MYH11: variants seen among roughly 807,000 people sequenced by gnomAD.
The protein encoded by MYH11 is myosin-11.
In MYH11, 80 loss-of-function variants were observed where a neutral mutation model predicts 246.6. The ratio of observed to expected loss-of-function variants is 0.32; its 90% CI spans 0.27 to 0.39. The LOEUF is 0.39. Ranked by LOEUF, MYH11 falls within the 10% of genes least tolerant of loss-of-function variation. The pLI, the probability that MYH11 is intolerant of heterozygous loss-of-function variation, is 1.00. For missense variants in MYH11, 2,158 were observed against 2,546.8 expected, an observed-to-expected ratio of 0.85 and a Z score of 3.29; for synonymous variants, 1,071 against 1,015.5, an observed-to-expected ratio of 1.05 and a Z score of -1.04.
chr16:15,721,378 G>A (rs1471684327), intron 32 of MYH11, 44 bp downstream of exon 32: 3 of 1,592,198 alleles, frequency 1.9e-6, no homozygotes, highest in Admixed American at 3.3e-5. Flanking sequence ...ACAGAGGGTG[G>A]GCAGGCGAAA....
At chr16:15,846,764 G>A (rs1451872097) in intron 1 of MYH11, among the ~76,000 whole-genome samples, 3 of 152,176 alleles carry the variant, frequency 2.0e-5, no homozygotes. Flanking sequence ...GACCGGCCTG[G>A]TCAACATGGT....
At chr16:15,824,023 G>A (rs2043489599) in intron 2 of MYH11, among the ~76,000 whole-genome samples, 1 of 152,250 alleles carries the variant, frequency 6.6e-6, no homozygotes, top group Admixed American at 6.5e-5. Flanking sequence ...TTAAATAACA[G>A]CCACCGTTCA....
intron 14 of MYH11, among the ~76,000 whole-genome samples, chr16:15,754,156 G>T (rs2041651529): frequency 6.6e-6 from 1 of 152,142 alleles, no homozygotes; most frequent in Non-Finnish European, 1.5e-5. Flanking sequence ...GGCGGAGATT[G>T]CAGTGAGCTG....
chr16:15,796,110 C>T (rs1487362518), intron 4 of MYH11, among the ~76,000 whole-genome samples: 1 of 152,084 alleles, frequency 6.6e-6, no homozygotes, highest in Non-Finnish European at 1.5e-5. Flanking sequence ...TAGGAAGAGG[C>T]GGTGGAGTCA....
At chr16:15,726,808 AC>A (rs1220246147) in intron 28 of MYH11, 39 bp downstream of exon 28, 1 of 1,603,224 alleles carries the variant, frequency 6.2e-7, no homozygotes, top group Admixed American at 1.7e-5. Flanking sequence ...ACTGGGCACC[AC>A]CCAGCACTGC....
At chr16:15,790,545 C>T (rs1483401640) in intron 4 of MYH11, among the ~76,000 whole-genome samples, 1 of 152,152 alleles carries the variant, frequency 6.6e-6, no homozygotes, top group East Asian at 1.9e-4. Flanking sequence ...GGCTCGTGGG[C>T]GTCTGAAGGT....
chr16:15,710,281 G>C (rs562832302), intron 40 of MYH11, among the ~76,000 whole-genome samples: 6 of 152,272 alleles, frequency 3.9e-5, no homozygotes, highest in Non-Finnish European at 8.8e-5. Context: ...CCAGCACTTT[G>C]GGAGACCGAG....
chr16:15,721,257 A>G, intron 32 of MYH11, 165 bp downstream of exon 32: 1 of 977,266 alleles, frequency 1.0e-6, no homozygotes, highest in Admixed American at 2.0e-5. Flanking sequence ...CTCGACTGCC[A>G]TTCTCAGCCC....
At chr16:15,740,664 C>T (rs1170440965) in intron 22 of MYH11, among the ~76,000 whole-genome samples, 1 of 151,660 alleles carries the variant, frequency 6.6e-6, no homozygotes, top group Non-Finnish European at 1.5e-5. Flanking sequence ...CATGGAACCT[C>T]AACCTCCTCA....
chr16:15,720,325 T>C lies in MYH11; in HGVS notation c.4792-13A>G, dbSNP rs1395800850. The C allele has an allele frequency of 2.5e-6, 4 of 1,612,314 alleles. No individual in the cohort carries two copies. Among genetic ancestry groups the C allele is most frequent in the African/African-American group, 1.3e-5 (1 of 74,894 alleles). ...CATACTCGTGAAGCTGGGCGAGGAA[T>C]AGAGATGTGTGCTGCCCCACTTGCC... On this transcript the variant is annotated splice_polypyrimidine_tract_variant and intron_variant, in intron 33 of 40. Transcript: ENST00000300036.
In MYH11 at chr16:15,721,806, C is replaced by T. The variant is rs2040500631; in HGVS notation, c.4366-172G>A. 4.4e-6 allele frequency: 3 copies of T among 679,576 alleles called. No homozygotes were observed. The Admixed American group carries it at 7.6e-5, about 17-fold the overall frequency. The allele number at this position is 679,576 out of a possible 1,614,324, so 42.1% of individuals were successfully genotyped here. A position where few individuals can be genotyped will look rare whatever the true frequency, so the allele number is the denominator to read the frequency against. ...TAATCATCTGGCGTTCTGACTTCTA[C>T]ATCAACCTTATGCAGAGCCAGAAAT... On this transcript the variant is annotated intron_variant, in intron 31 of 40. Coordinates refer to ENST00000300036, the MANE Select transcript of MYH11 (RefSeq NM_002474.3).
At chr16:15,759,533 A>AG (rs2041817177) in intron 12 of MYH11, 43 bp downstream of exon 12, 1 of 1,613,872 alleles carries the variant, frequency 6.2e-7, no homozygotes, top group South Asian at 1.1e-5. Flanking sequence ...AGCCCATCTC[A>AG]GACAACCAAG....
At position 15,760,611 on chromosome 16, in the gene MYH11, T is replaced by C. The variant is rs1171114070; in HGVS notation, c.1177A>G (p.Thr393Ala). 10 of 1,614,146 alleles carry C rather than the reference T, an allele frequency of 6.2e-6. No homozygotes were observed. Among genetic ancestry groups the C allele is most frequent in the Non-Finnish European group, 8.5e-6 (10 of 1,180,012 alleles). Residue 393 changes from threonine (T) to alanine (A), a missense_variant, in exon 11 of 41, where the codon ACC (threonine) becomes GCC (alanine). By Grantham distance (58) the Thr-to-Ala change is moderately conservative (BLOSUM62 0). Around this residue, in one of 11 missense-constraint regions of MYH11, gnomAD observed 317 missense variants for 507.7 expected, o/e 0.62. Transcript: ENST00000300036. ...HLMGINVTDF[T>A]RSILTPRIKV... ...ATACGAGGAGTGAGGATGGATCTGG[T>C]GAAATCTGTCACATTAATTCCCATG...
Position 15,724,680 on chromosome 16 carries a change from G to C in MYH11, c.4083C>G (p.Asn1361Lys), listed in dbSNP as rs769899465. Residue 1361 changes from asparagine (N) to lysine (K), a missense_variant, in exon 30 of 41, where the codon AAC becomes AAG. Physicochemically the swap from Asn to Lys is moderately conservative, Grantham distance 94. Coordinates refer to ENST00000300036, the MANE Select transcript of MYH11 (RefSeq NM_002474.3). ...TGAGAGTGGAGATGTGGCGCTCCAG[G>C]TTCTGCTTGGCCTCCATCTCCTCGT... ...QLDEEMEAKQ[N>K]LERHISTLNI... 3 of 1,614,218 alleles carry C rather than the reference G, an allele frequency of 1.9e-6. No individual in the cohort carries two copies. Among genetic ancestry groups the C allele is most frequent in the South Asian group, 2.2e-5 (2 of 91,086 alleles).
intron 3 of MYH11, among the ~76,000 whole-genome samples, chr16:15,812,411 A>G (rs1373944341): frequency 6.6e-6 from 1 of 151,908 alleles, no homozygotes; most frequent in Non-Finnish European, 1.5e-5. Context: ...GAAGATAAAC[A>G]TCATGGGAAA....
intron 9 of MYH11, among the ~76,000 whole-genome samples, chr16:15,771,332 C>T (rs4781688): frequency 6.6e-6 from 1 of 151,872 alleles, no homozygotes; most frequent in Non-Finnish European, 1.5e-5. Flanking sequence ...GAGTTAGTCA[C>T]TTTCCCTTTG....
intron 2 of MYH11, among the ~76,000 whole-genome samples, chr16:15,825,224 C>T (rs1259256159): frequency 6.6e-6 from 1 of 151,868 alleles, no homozygotes; most frequent in Non-Finnish European, 1.5e-5. Context: ...AGGAACTGCT[C>T]ATGGGTATAA....
At chr16:15,739,104 C>A (rs958515809) in intron 23 of MYH11, among the ~76,000 whole-genome samples, 2 of 144,934 alleles carry the variant, frequency 1.4e-5, no homozygotes. Context: ...CTGCTGTATT[C>A]TTTTTTTTTT....
chr16:15,782,648 G>C (rs1445893896), intron 5 of MYH11, 171 bp from the exon 6 acceptor site: 1 of 629,620 alleles, frequency 1.6e-6, no homozygotes, highest in Non-Finnish European at 2.9e-6. Flanking sequence ...GATTTCAGAA[G>C]AGAAGCAACT....
Sources: gnomAD v4.1 joint callset for allele counts (sites outside exome capture counted in the v4.1 genomes callset) on GRCh38, gnomAD v4.1.1 for gene constraint, gnomAD v4.1.1 regional missense constraint, MANE v1.5 for transcripts, NCBI Gene and HGNC (gene_info 2026-07-23, HGNC 2026-07-21) for gene names.